Variants in ETF1 observed in about 807,000 individuals in gnomAD.
The protein encoded by ETF1 is eukaryotic peptide chain release factor subunit 1.
Under a neutral mutation model 55.1 loss-of-function variants are expected in ETF1, and 4 were observed. The ratio of observed to expected loss-of-function variants is 0.07; its 90% CI spans 0.04 to 0.17. ETF1 has a LOEUF of 0.17. Among genes scored for constraint, ETF1 ranks in the 10% least tolerant of loss-of-function variants. The pLI, the probability that ETF1 is intolerant of heterozygous loss-of-function variation, is 1.00. For synonymous variants in ETF1, 157 were observed against 182.3 expected (o/e 0.86, Z 1.12); for missense variants, 142 against 523.6 (o/e 0.27, Z 7.11).
In ETF1 at chr5:138,513,569, G is replaced by A. The variant is rs779295866; in HGVS notation, c.540C>T (p.His180=). ...GTTCATGTTCTCCTCCTGTATTACC[G>A]TGTTTCTTTGGGAGATCCACAGTGA... ...HKFTVDLPKK[H]GRGGQSALRF... is the part of the protein sequence containing the mutation. Residue 180 remains histidine, a splice_region_variant and synonymous_variant, in exon 5 of 11, where the codon CAC becomes CAT. Transcript: ENST00000360541. 9 of 1,603,456 alleles carry A rather than the reference G, an allele frequency of 5.6e-6. No individual in the cohort carries two copies. The highest frequency in any genetic ancestry group is 2.2e-5 in the East Asian group (1 of 44,626).
chr5:138,542,895 G>T lies in ETF1; in HGVS notation c.24C>A (p.Ala8=), dbSNP rs772352432. The stretch of plus-strand genomic sequence containing the variant: ...TCTTCCAGATCTCCACGTTCCTGTC[G>T]GCAGCACTGGGGTCGTCCGCCATCT... MADDPSA[A]DRNVEIWKIK... Residue 8 remains alanine, a synonymous_variant, in exon 2 of 11, where the codon GCC becomes GCA. Coordinates refer to ENST00000360541, the MANE Select transcript of ETF1 (RefSeq NM_004730.4). 8.7e-6 allele frequency: 14 copies of T among 1,613,684 alleles called. No individual in the cohort carries two copies. Among genetic ancestry groups the T allele is most frequent in the Non-Finnish European group, 1.2e-5 (14 of 1,179,894 alleles).
In ETF1 at chr5:138,511,119, C is replaced by T; in HGVS notation, c.944G>A (p.Gly315Glu). 1 of 1,614,070 alleles carries T rather than the reference C, an allele frequency of 6.2e-7. No homozygotes were observed. The highest frequency in any genetic ancestry group is 1.7e-5 in the Admixed American group (1 of 60,018). The change falls in exon 8 of 11, where the codon GGA (glycine) becomes GAA (glutamate). Residue 315 changes from glycine (G) to glutamate (E), a missense_variant. By Grantham distance (98) the Gly-to-Glu change is moderately conservative (BLOSUM62 -2). Around this residue, in one of 5 missense-constraint regions of ETF1, gnomAD observed 82 missense variants for 232.9 expected, o/e 0.35. Transcript: ENST00000360541. ...VEDTLKALEM[G>E]AVEILIVYEN... ...ATAGACTATTAGAATTTCTACAGCTCCCATTTCCAAAGCCTTTAGTGTATC... is the reference window on the plus strand; with the variant it reads ...ATAGACTATTAGAATTTCTACAGCTTCCATTTCCAAAGCCTTTAGTGTATC...
chr5:138,537,434 C>A (rs1171877852), intron 2 of ETF1, among the ~76,000 whole-genome samples: 1 of 152,118 alleles, frequency 6.6e-6, no homozygotes, highest in African/African-American at 2.4e-5. Context: ...ACCACCTAAT[C>A]CAAGATTAAT....
rs1046262882 is a variant in ETF1 at position 138,511,352 on chromosome 5, T to C, written c.862+123A>G. 8 of 1,507,212 alleles carry C rather than the reference T, an allele frequency of 5.3e-6. No homozygotes were observed. In the African/African-American group the frequency reaches 1.1e-4, roughly 21 times the overall value. 93.4% of individuals were successfully genotyped at this position (1,507,212 alleles called of 1,614,324 possible). On this transcript the variant is annotated intron_variant, in intron 7 of 10. Coordinates refer to ENST00000360541, the MANE Select transcript of ETF1 (RefSeq NM_004730.4). ...AAAATACTAAATATTCCTTTTTACA[T>C]TTTTGGTACCTTGTCTCATACATAC...
intron 2 of ETF1, among the ~76,000 whole-genome samples, chr5:138,536,636 C>T (rs950455818): frequency 9.9e-5 from 15 of 152,164 alleles, no homozygotes; most frequent in African/African-American, 3.6e-4. Context: ...AGAGAATAGG[C>T]TGGACTGAGA....
chr5:138,521,816 C>T (rs1765244472), intron 2 of ETF1, among the ~76,000 whole-genome samples: 1 of 152,222 alleles, frequency 6.6e-6, no homozygotes, highest in Admixed American at 6.5e-5. Context: ...AGGCGTGAGC[C>T]ACCGCGCCCA....
intron 2 of ETF1, among the ~76,000 whole-genome samples, chr5:138,535,718 C>CAA (rs1160282241): frequency 1.3e-4 from 15 of 116,736 alleles, no homozygotes; most frequent in African/African-American, 4.8e-4. Flanking sequence ...AAGACCGTCT[C>CAA]AAAAAAAAAA....
chr5:138,541,579 A>G (rs1470719309), intron 2 of ETF1: 1 of 1,534,758 alleles, frequency 6.5e-7, no homozygotes, highest in Admixed American at 2.0e-5. Context: ...GTAATAATGA[A>G]GAGCTTGGAG....
chr5:138,539,413 A>G (rs538966671), intron 2 of ETF1, among the ~76,000 whole-genome samples: 1 of 152,358 alleles, frequency 6.6e-6, no homozygotes, highest in East Asian at 1.9e-4. Flanking sequence ...AGATACCCTC[A>G]ACCACAGTAT....
At chr5:138,528,067 C>A (rs771219837) in intron 2 of ETF1, among the ~76,000 whole-genome samples, 1 of 152,100 alleles carries the variant, frequency 6.6e-6, no homozygotes, top group Non-Finnish European at 1.5e-5. Flanking sequence ...CCACCATGCC[C>A]GGCTGGAAGT....
intron 2 of ETF1, among the ~76,000 whole-genome samples, chr5:138,539,663 G>T (rs1766093770): frequency 6.6e-6 from 1 of 152,194 alleles, no homozygotes; most frequent in Non-Finnish European, 1.5e-5. Context: ...CAACTCAGAA[G>T]ATTAAGTATG....
intron 2 of ETF1, among the ~76,000 whole-genome samples, chr5:138,523,166 A>C (rs1483821842): frequency 6.6e-6 from 1 of 152,098 alleles, no homozygotes; most frequent in Non-Finnish European, 1.5e-5. Flanking sequence ...CAAGAGACCG[A>C]GACCATCCTG....
intron 5 of ETF1, 39 bp downstream of exon 5, chr5:138,513,529 A>T (rs2127072787): frequency 6.6e-7 from 1 of 1,523,278 alleles, no homozygotes; most frequent in East Asian, 2.3e-5. Flanking sequence ...TTATTGCTAG[A>T]CACAAAGTAA....
rs906499958 is a variant in ETF1 at position 138,507,353 on chromosome 5, A to G, written c.*952T>C. ...TAAATCAAAACATTCACATAATCTC[A>G]TGCCATCCAACACAAGGAAAACACA... On this transcript the variant is annotated 3_prime_UTR_variant, in exon 11 of 11. Transcript: ENST00000360541. 3.3e-5 allele frequency: 5 copies of G among 152,624 alleles called. No homozygotes were observed. Among genetic ancestry groups the G allele is most frequent in the African/African-American group, 1.2e-4 (5 of 41,448 alleles). The allele number at this position is 152,624 out of a possible 1,614,324, so 9.5% of individuals were successfully genotyped here.
chr5:138,522,963 G>A lies in ETF1; in HGVS notation c.87-4096C>T, dbSNP rs557636417. Among the ~76,000 whole-genome samples the A allele has an allele frequency of 4.1e-4, 63 of 152,184 alleles. No individual in the cohort carries two copies. The South Asian group carries it at 8.7e-3, about 21-fold the overall frequency. ...AGAGCTTGCAGTTAGCCAAGATAGC[G>A]CCACTGCAGTCTGGTTGGGGCGAAA... is the stretch of plus-strand genomic sequence containing the variant. On this transcript the variant is annotated intron_variant, in intron 2 of 10. Transcript: ENST00000360541.
intron 5 of ETF1, 155 bp downstream of exon 5, chr5:138,513,413 C>T: frequency 6.5e-6 from 2 of 309,160 alleles, no homozygotes; most frequent in Non-Finnish European, 9.4e-6. Flanking sequence ...AGAGACAGGG[C>T]CGGGCTGGTC....
chr5:138,517,510 A>G (rs752993659), intron 4 of ETF1, 51 bp downstream of exon 4: 2 of 1,207,560 alleles, frequency 1.7e-6, no homozygotes, highest in Admixed American at 2.0e-5. Context: ...GCTAATGGGT[A>G]CGGGGAAAGA....
chr5:138,539,331 C>A (rs182753456), intron 2 of ETF1, among the ~76,000 whole-genome samples: 4 of 152,174 alleles, frequency 2.6e-5, no homozygotes, highest in African/African-American at 4.8e-5. Flanking sequence ...TCAGAAAACA[C>A]CAAGGGAAAA....
chr5:138,515,197 T>C (rs1223268830), intron 4 of ETF1, among the ~76,000 whole-genome samples: 1 of 152,080 alleles, frequency 6.6e-6, no homozygotes, highest in Non-Finnish European at 1.5e-5. Context: ...GAGGCCAAGG[T>C]GGGTGGATCA....
Sources: gnomAD v4.1 joint callset for allele counts (sites outside exome capture counted in the v4.1 genomes callset) on GRCh38, gnomAD v4.1.1 for gene constraint, gnomAD v4.1.1 regional missense constraint, MANE v1.5 for transcripts, NCBI Gene and HGNC (gene_info 2026-07-23, HGNC 2026-07-21) for gene names.